MRPL20: variants seen among roughly 807,000 people sequenced by gnomAD.
MRPL20 encodes mitochondrial ribosomal protein L20, also known as large ribosomal subunit protein bL20m.
MRPL20 carries 21 observed loss-of-function variants against 20.0 expected under a neutral mutation model. The observed-to-expected ratio is 1.05, with a 90% CI of 0.74 to 1.51. The LOEUF (loss-of-function observed/expected upper bound fraction) is 1.51. MRPL20 is among the 40% of genes most tolerant of loss of function. The pLI is 0.00. For synonymous variants in MRPL20, 104 were observed against 73.0 expected (o/e 1.43, Z -2.17); for missense variants, 252 against 185.6 (o/e 1.36, Z -2.08).
intron 3 of MRPL20, among the ~76,000 whole-genome samples, chr1:1,404,347 G>T (rs148311129): frequency 0.069 from 10,381 of 151,496 alleles, 618 homozygotes; most frequent in African/African-American, 0.16. Context: ...GTAGAGTCGG[G>T]GTTTCACCAT....
intron 3 of MRPL20, among the ~76,000 whole-genome samples, chr1:1,403,054 G>A (rs1377119894): frequency 2.0e-5 from 3 of 151,446 alleles, no homozygotes; most frequent in South Asian, 2.1e-4. Flanking sequence ...GTGTGAACCC[G>A]GGAATTGGAG....
At chr1:1,406,709 CAGTG>C in intron 2 of MRPL20, 196 bp downstream of exon 2, 1 of 583,346 alleles carries the variant, frequency 1.7e-6, no homozygotes, top group South Asian at 1.8e-5. Context: ...CAGGGGGTGA[CAGTG>C]GGGGTGGCGG....
In MRPL20 at chr1:1,407,259, C is replaced by A; in HGVS notation, c.-42G>T. On this transcript the variant is annotated 5_prime_UTR_variant, in exon 1 of 4. Transcript: ENST00000344843. ...CGTCCCGAACACTCAACAACGCACG[C>A]GCAGCGCCGCTGCCATCTTGCCCGG... The A allele has an allele frequency of 6.6e-7, 1 of 1,509,402 alleles. No homozygotes were observed. The allele number at this position is 1,509,402 out of a possible 1,614,324, so 93.5% of individuals were successfully genotyped here. A position where few individuals can be genotyped will look rare whatever the true frequency, so the allele number is the denominator to read the frequency against.
intron 3 of MRPL20, chr1:1,402,506 C>T (rs1645341521): frequency 1.6e-6 from 2 of 1,243,298 alleles, no homozygotes; most frequent in Admixed American, 7.9e-5. Context: ...TGATGTCGGC[C>T]CGGGGAACCA....
At chr1:1,402,955 T>C (rs1645347166) in intron 3 of MRPL20, among the ~76,000 whole-genome samples, 1 of 151,994 alleles carries the variant, frequency 6.6e-6, no homozygotes, top group African/African-American at 2.4e-5. Context: ...GGTGAAACCC[T>C]GTCTCTACCA....
Position 1,402,362 on chromosome 1 carries a change from G to T in MRPL20, c.277-106C>A, listed in dbSNP as rs908330565. The T allele has an allele frequency of 4.8e-6, 7 of 1,451,598 alleles. No individual in the cohort carries two copies. In the African/African-American group the frequency reaches 5.7e-5, roughly 12 times the overall value. 89.9% of individuals were successfully genotyped at this position (1,451,598 alleles called of 1,614,324 possible). On this transcript the variant is annotated intron_variant, in intron 3 of 3. Coordinates refer to ENST00000344843, the MANE Select transcript of MRPL20 (RefSeq NM_017971.4). The stretch of plus-strand genomic sequence containing the variant: ...AAGAACCCAGCTGCACACTCGCCTG[G>T]GGGGAGGGAAGGCCTAGGAGAATCC...
intron 3 of MRPL20, chr1:1,405,606 C>A (rs962239639): frequency 1.6e-5 from 15 of 919,110 alleles, no homozygotes; most frequent in Admixed American, 1.0e-4. Context: ...TGGTCCCTTG[C>A]TCCCAAGAGG....
intron 2 of MRPL20, chr1:1,406,508 G>C (rs1386133515): frequency 4.2e-6 from 1 of 237,420 alleles, no homozygotes; most frequent in Non-Finnish European, 8.5e-6. Flanking sequence ...GGCAGCAGGC[G>C]TGGTCTCTTC....
chr1:1,404,215 G>A (rs1294534377), intron 3 of MRPL20, among the ~76,000 whole-genome samples: 10 of 150,396 alleles, frequency 6.6e-5, no homozygotes, highest in East Asian at 5.9e-4. Flanking sequence ...GTGCAGTGGC[G>A]CGATCTCAGC....
chr1:1,405,709 C>A, intron 3 of MRPL20, 100 bp downstream of exon 3: 2 of 1,599,496 alleles, frequency 1.3e-6, no homozygotes, highest in Non-Finnish European at 1.7e-6. Context: ...CTGGCCTCAG[C>A]CTCCTGATTA....
chr1:1,407,271 G>A lies in MRPL20; in HGVS notation c.-54C>T, dbSNP rs1443845221. 14 of 1,468,420 alleles carry A rather than the reference G, an allele frequency of 9.5e-6. No homozygotes were observed. The South Asian group carries it at 1.7e-4, about 18-fold the overall frequency. The allele number at this position is 1,468,420 out of a possible 1,614,324, so 91.0% of individuals were successfully genotyped here. On this transcript the variant is annotated 5_prime_UTR_variant, in exon 1 of 4. Coordinates refer to ENST00000344843, the MANE Select transcript of MRPL20 (RefSeq NM_017971.4). ...TCAACAACGCACGCGCAGCGCCGCT[G>A]CCATCTTGCCCGGGTCGGAAATGGT...
rs749742869 is a variant in MRPL20, at chr1:1,405,796, T to G, written c.276+13A>C. On this transcript the variant is annotated intron_variant, in intron 3 of 3. Coordinates refer to ENST00000344843, the MANE Select transcript of MRPL20 (RefSeq NM_017971.4). ...GTCCAGAATTTCAGTGGGACCCACA[T>G]ACTCACCCATACCTTAACTAAATTC... 2 of 1,614,150 alleles carry G rather than the reference T, an allele frequency of 1.2e-6. No individual in the cohort carries two copies. Among genetic ancestry groups the G allele is most frequent in the South Asian group, 1.1e-5 (1 of 91,088 alleles).
chr1:1,402,721 G>A (rs376242585), intron 3 of MRPL20: 28 of 770,126 alleles, frequency 3.6e-5, no homozygotes, highest in Middle Eastern at 6.4e-4. Context: ...ACGGTGTCTC[G>A]CCTGTAATCC....
At chr1:1,402,419 CAGGATGCTGA>C in intron 3 of MRPL20, 163 bp from the exon 4 acceptor site, 1 of 1,383,262 alleles carries the variant, frequency 7.2e-7, no homozygotes, top group East Asian at 2.7e-5. Context: ...GACTTCCAGG[CAGGATGCTGA>C]AGGATAAATG....
chr1:1,405,993 A>G (rs2100398294), intron 2 of MRPL20, 107 bp from the exon 3 acceptor site: 7 of 1,444,896 alleles, frequency 4.8e-6, no homozygotes, highest in Non-Finnish European at 6.5e-6. Context: ...AAATAGCAAA[A>G]TCAGTGAGCT....
chr1:1,407,126 C>A lies in MRPL20; in HGVS notation c.87+5G>T. Reference sequence around the variant, plus strand: ...CAGTGCCCAGGCCGGGCAGGCGGCACTCACCCTGGCGTGCTTCAGCACCTC... The same window carrying A: ...CAGTGCCCAGGCCGGGCAGGCGGCAATCACCCTGGCGTGCTTCAGCACCTC... On this transcript the variant is annotated splice_donor_5th_base_variant and intron_variant, in intron 1 of 3. Transcript: ENST00000344843. The A allele has an allele frequency of 6.2e-7, 1 of 1,606,544 alleles. No individual in the cohort carries two copies. The highest frequency in any genetic ancestry group is 8.5e-7 in the Non-Finnish European group (1 of 1,176,014).
chr1:1,402,088 G>A lies in MRPL20; in HGVS notation c.445C>T (p.His149Tyr), dbSNP rs559305675. The A allele has an allele frequency of 1.9e-6, 3 of 1,612,388 alleles. No homozygotes were observed. The highest frequency in any genetic ancestry group is 1.7e-5 in the Admixed American group (1 of 59,460). ...AATCAATACAGCAACAGTCCTCAGT[G>A]GTACTGCACCACTCTGGAAAAAATG... is the stretch of plus-strand genomic sequence containing the variant. ...EGIFSRVVQYH is the reference protein window; with the variant it reads ...EGIFSRVVQYY Residue 149 changes from histidine (H) to tyrosine (Y), a missense_variant, in exon 4 of 4, where the codon CAC becomes TAC. Coordinates refer to ENST00000344843, the MANE Select transcript of MRPL20 (RefSeq NM_017971.4).
At chr1:1,405,763 C>T (rs373960030) in intron 3 of MRPL20, 46 bp downstream of exon 3, 1 of 1,614,010 alleles carries the variant, frequency 6.2e-7, no homozygotes, top group Admixed American at 1.7e-5. Context: ...ATGATGGTTT[C>T]TGCAGATGTC....
chr1:1,404,190 G>A (rs891070486), intron 3 of MRPL20, among the ~76,000 whole-genome samples: 1 of 149,048 alleles, frequency 6.7e-6, no homozygotes, highest in African/African-American at 2.5e-5. Context: ...GTCTCGCTCT[G>A]TCGACCAGCC....
Sources: allele counts gnomAD v4.1 joint callset (sites outside exome capture counted in the v4.1 genomes callset), GRCh38; gene constraint gnomAD v4.1.1; transcripts MANE v1.5; gene names NCBI Gene and HGNC (gene_info 2026-07-23, HGNC 2026-07-21).